GABRA3: variants seen among roughly 807,000 people sequenced by gnomAD.
The protein encoded by GABRA3 is gamma-aminobutyric acid type A receptor subunit alpha3.
GABRA3 carries 10 observed loss-of-function variants against 30.1 expected under a neutral mutation model. The observed-to-expected ratio is 0.33, with a 90% CI of 0.20 to 0.56. The LOEUF is 0.56. GABRA3 is among the 20% of genes least tolerant of loss of function. The pLI, the probability that GABRA3 is intolerant of heterozygous loss-of-function variation, is 0.89. For missense variants in GABRA3, 233 were observed against 392.0 expected (o/e 0.59, Z 3.42); for synonymous variants, 151 against 146.8 (o/e 1.03, Z -0.21).
chrX:152,318,746 G>A (rs1185006460), intron 3 of GABRA3, among the ~76,000 whole-genome samples: 3 of 111,884 alleles, frequency 2.7e-5, no homozygotes, highest in Non-Finnish European at 3.8e-5. Flanking sequence ...CTCAATAGAT[G>A]CAGAAAAAGT....
At chrX:152,374,337 C>CTTTTTTTTT (rs55927249) in intron 1 of GABRA3, among the ~76,000 whole-genome samples, 30 of 41,606 alleles carry the variant, frequency 7.2e-4, no homozygotes, top group East Asian at 2.5e-3. Context: ...CTTTTCTTTT[C>CTTTTTTTTT]TTTTTTTTTT....
chrX:152,429,348 T>C (rs1930595652), intron 1 of GABRA3, among the ~76,000 whole-genome samples: 1 of 109,189 alleles, frequency 9.2e-6, no homozygotes, highest in Non-Finnish European at 1.9e-5. Flanking sequence ...GGCCTCACAT[T>C]CACTTCAGCC....
At chrX:152,194,463 C>T (rs1453479130) in intron 8 of GABRA3, among the ~76,000 whole-genome samples, 2 of 111,293 alleles carry the variant, frequency 1.8e-5, no homozygotes, top group African/African-American at 6.5e-5. Flanking sequence ...TGCTTTATCT[C>T]AGGATATGGT....
intron 1 of GABRA3, among the ~76,000 whole-genome samples, chrX:152,439,181 G>T (rs1293718667): frequency 9.1e-6 from 1 of 110,458 alleles, no homozygotes; most frequent in African/African-American, 3.3e-5. Context: ...AGGCTGGAGT[G>T]CAGCGGCACA....
chrX:152,208,258 T>C (rs1336175442), intron 6 of GABRA3, 114 bp from the exon 7 acceptor site: 21 of 784,453 alleles, frequency 2.7e-5, no homozygotes, highest in Non-Finnish European at 3.9e-5. Context: ...GAGTTCTGGG[T>C]ATGTGGTCTG....
intron 2 of GABRA3, among the ~76,000 whole-genome samples, chrX:152,352,014 A>C (rs1940485887): frequency 9.0e-6 from 1 of 111,328 alleles, no homozygotes; most frequent in South Asian, 3.8e-4. Context: ...TGGTGCCCCA[A>C]AACAATTAAA....
intron 2 of GABRA3, among the ~76,000 whole-genome samples, chrX:152,350,734 G>A (rs1227601086): frequency 1.8e-5 from 2 of 111,514 alleles, no homozygotes; most frequent in Non-Finnish European, 3.8e-5. Context: ...ATCCTTTCCA[G>A]AAGGTTTTCA....
At chrX:152,355,226 A>T (rs769164381) in intron 2 of GABRA3, among the ~76,000 whole-genome samples, 1 of 110,996 alleles carries the variant, frequency 9.0e-6, no homozygotes, top group Admixed American at 9.6e-5. Context: ...TTCCTCCCAA[A>T]TCATAGTCCC....
intron 2 of GABRA3, among the ~76,000 whole-genome samples, chrX:152,359,151 T>G (rs1414173170): frequency 1.8e-5 from 2 of 111,743 alleles, no homozygotes; most frequent in Non-Finnish European, 3.8e-5. Flanking sequence ...CTTCTTTATA[T>G]ATCTGGTAGA....
intron 1 of GABRA3, among the ~76,000 whole-genome samples, chrX:152,404,738 ATTATTATTATTATT>A (rs1272598926): frequency 4.0e-4 from 1 of 2,504 alleles, no homozygotes; most frequent in Non-Finnish European, 7.9e-4. Context: ...GTCATTTATT[ATTATTATTATTATT>A]ATTATTATTA....
chrX:152,287,140 C>T (rs1438293028), intron 3 of GABRA3, among the ~76,000 whole-genome samples: 2 of 111,935 alleles, frequency 1.8e-5, no homozygotes, highest in African/African-American at 6.5e-5. Flanking sequence ...TATTTGAATC[C>T]AATATTTTAG....
intron 3 of GABRA3, among the ~76,000 whole-genome samples, chrX:152,308,691 C>A (rs1372078991): frequency 8.9e-6 from 1 of 112,301 alleles, no homozygotes; most frequent in Non-Finnish European, 1.9e-5. Context: ...CCAGCCCACA[C>A]AGATGAGAAA....
At chrX:152,208,654 C>A (rs1242470610) in intron 6 of GABRA3, among the ~76,000 whole-genome samples, 1 of 94,374 alleles carries the variant, frequency 1.1e-5, no homozygotes, top group South Asian at 4.1e-4. Flanking sequence ...CTTGGTGACA[C>A]CCCCCTCCAG....
At chrX:152,334,208 C>G (rs1392701500) in intron 3 of GABRA3, among the ~76,000 whole-genome samples, 1 of 111,560 alleles carries the variant, frequency 9.0e-6, no homozygotes, top group Non-Finnish European at 1.9e-5. Context: ...TAGAAGAAAA[C>G]TTCCCAAAAT....
intron 3 of GABRA3, among the ~76,000 whole-genome samples, chrX:152,314,925 C>T (rs1939850276): frequency 9.0e-6 from 1 of 111,204 alleles, no homozygotes; most frequent in Non-Finnish European, 1.9e-5. Context: ...CAATGGTTGG[C>T]ACATAGCTGG....
chrX:152,357,306 A>C (rs1447976179), intron 2 of GABRA3, among the ~76,000 whole-genome samples: 2 of 111,684 alleles, frequency 1.8e-5, no homozygotes, highest in East Asian at 5.7e-4. Context: ...TTGACTTTTT[A>C]ATAATAGCCA....
chrX:152,378,377 T>C (rs1655547705), intron 1 of GABRA3, among the ~76,000 whole-genome samples: 1 of 111,914 alleles, frequency 8.9e-6, no homozygotes, highest in Admixed American at 9.6e-5. Context: ...GAGTACAGGA[T>C]ATTTAAACAA....
intron 1 of GABRA3, among the ~76,000 whole-genome samples, chrX:152,364,962 G>A (rs768821402): frequency 2.2e-4 from 24 of 111,230 alleles, no homozygotes; most frequent in African/African-American, 7.8e-4. Context: ...CTCAGCTTGG[G>A]TTACCTCTTA....
intron 3 of GABRA3, among the ~76,000 whole-genome samples, chrX:152,287,857 C>A (rs997714546): frequency 4.5e-5 from 5 of 110,355 alleles, no homozygotes; most frequent in African/African-American, 1.7e-4. Context: ...ACCTGCCAGA[C>A]TCTTTCCAAA....
Sources: gnomAD v4.1 joint callset for allele counts (sites outside exome capture counted in the v4.1 genomes callset) on GRCh38, gnomAD v4.1.1 for gene constraint, MANE v1.5 for transcripts, NCBI Gene and HGNC (gene_info 2026-07-23, HGNC 2026-07-21) for gene names.